Variants in CSDE1 observed in about 807,000 individuals in gnomAD.
CSDE1 encodes cold shock domain containing E1, also known as cold shock domain-containing protein E1.
In CSDE1, 17 loss-of-function variants were observed where a neutral mutation model predicts 89.3. The ratio of observed to expected loss-of-function variants is 0.19; its 90% CI spans 0.13 to 0.29. The LOEUF (loss-of-function observed/expected upper bound fraction) is 0.29. CSDE1 is among the 10% of genes least tolerant of loss of function. CSDE1 has a pLI of 1.00. For synonymous variants in CSDE1, 322 were observed against 332.8 expected, an observed-to-expected ratio of 0.97 and a Z score of 0.35; for missense variants, 672 against 984.2, an observed-to-expected ratio of 0.68 and a Z score of 4.24.
At chr1:114,757,639 A>G (rs1570971798) in intron 1 of CSDE1, among the ~76,000 whole-genome samples, 1 of 151,308 alleles carries the variant, frequency 6.6e-6, no homozygotes. Context: ...CGGAGCCTCC[A>G]TTTTCGCTCC....
chr1:114,731,540 A>C (rs1336643075), intron 10 of CSDE1, among the ~76,000 whole-genome samples: 1 of 152,234 alleles, frequency 6.6e-6, no homozygotes, highest in African/African-American at 2.4e-5. Context: ...TCCACTGGCA[A>C]CACTGAGTTA....
intron 15 of CSDE1, among the ~76,000 whole-genome samples, chr1:114,724,949 A>G (rs1019394638): frequency 2.0e-5 from 3 of 152,224 alleles, no homozygotes; most frequent in African/African-American, 4.8e-5. Flanking sequence ...ATTTCCTAAA[A>G]TATCTAGGCC....
chr1:114,726,442 A>C, intron 13 of CSDE1, 56 bp from the exon 14 acceptor site: 2 of 1,414,562 alleles, frequency 1.4e-6, no homozygotes, highest in Non-Finnish European at 1.9e-6. Flanking sequence ...CAATCTCCTT[A>C]ACTCAGAAAA....
intron 1 of CSDE1, among the ~76,000 whole-genome samples, chr1:114,754,930 C>A (rs1661510542): frequency 6.6e-6 from 1 of 152,182 alleles, no homozygotes; most frequent in Non-Finnish European, 1.5e-5. Flanking sequence ...AAGAAACATT[C>A]TAGACACATC....
At chr1:114,735,827 A>C (rs1339527245) in intron 6 of CSDE1, among the ~76,000 whole-genome samples, 1 of 152,086 alleles carries the variant, frequency 6.6e-6, no homozygotes, top group Non-Finnish European at 1.5e-5. Flanking sequence ...ATTTTCCTTA[A>C]CTGTGTATGC....
intron 6 of CSDE1, among the ~76,000 whole-genome samples, chr1:114,736,307 C>T (rs1660398561): frequency 6.6e-6 from 1 of 152,188 alleles, no homozygotes; most frequent in Non-Finnish European, 1.5e-5. Context: ...AAGATCTAAA[C>T]CAATCACACT....
In CSDE1 at chr1:114,737,512, C is replaced by T; in HGVS notation, c.361G>A (p.Gly121Ser). The change falls in exon 5 of 20, where the codon GGT becomes AGT. Residue 121 changes from glycine (G) to serine (S), a missense_variant. This residue lies in a region of CSDE1 where 124 missense variants were observed against 138.7 expected (regional missense o/e 0.89). Transcript: ENST00000358528. ...NLESKSPAAP[G>S]QSPTGSVCYE... ...CATACACTCCCTGTTGGACTCTGAC[C>T]CGGGGCAGCTGGAGATTTACTCTCT... 1 of 1,614,026 alleles carries T rather than the reference C, an allele frequency of 6.2e-7. No individual in the cohort carries two copies. Among genetic ancestry groups the T allele is most frequent in the Non-Finnish European group, 8.5e-7 (1 of 1,180,002 alleles).
intron 4 of CSDE1, 138 bp from the exon 5 acceptor site, chr1:114,737,701 G>T: frequency 1.4e-6 from 1 of 729,230 alleles, no homozygotes; most frequent in Non-Finnish European, 2.3e-6. Flanking sequence ...ATGTCATGCT[G>T]CCAAGTTTCA....
chr1:114,724,287 C>T (rs554319878), intron 15 of CSDE1: 17 of 241,644 alleles, frequency 7.0e-5, no homozygotes, highest in Non-Finnish European at 1.6e-5. Context: ...TGATCTCTTA[C>T]TTTTTCCAGG....
chr1:114,756,204 G>A (rs1228945416), intron 1 of CSDE1, among the ~76,000 whole-genome samples: 8 of 152,146 alleles, frequency 5.3e-5, no homozygotes, highest in Admixed American at 1.3e-4. Flanking sequence ...CCTATCTTCT[G>A]TGCCTCAAAT....
Position 114,756,086 on chromosome 1 carries a change from T to C in CSDE1, c.-388+1839A>G, listed in dbSNP as rs570473234. 2.6e-5 allele frequency among the ~76,000 whole-genome samples: 4 copies of C among 152,344 alleles called. No individual in the cohort carries two copies. In the South Asian group the frequency reaches 8.3e-4, roughly 32 times the overall value. On this transcript the variant is annotated intron_variant, in intron 1 of 19. Transcript: ENST00000358528. ...ATAAGGGTAGAGGGTAAAGCCAGAC[T>C]GCACGTCAGCTTTCACGCTTTCAAT...
chr1:114,738,094 T>C (rs2101052265), intron 3 of CSDE1, 22 bp from the exon 4 acceptor site: 3 of 1,581,372 alleles, frequency 1.9e-6, no homozygotes, highest in South Asian at 1.1e-5. Flanking sequence ...TAATGTGTTA[T>C]GTTTGTTGAA....
intron 6 of CSDE1, among the ~76,000 whole-genome samples, chr1:114,734,724 C>T (rs975760871): frequency 6.6e-6 from 1 of 152,162 alleles, no homozygotes. Context: ...TAGCCTTCTA[C>T]GTTTGGCAAA....
At chr1:114,736,334 C>T (rs1173731184) in intron 6 of CSDE1, among the ~76,000 whole-genome samples, 2 of 152,150 alleles carry the variant, frequency 1.3e-5, no homozygotes, top group Non-Finnish European at 2.9e-5. Flanking sequence ...TTTTAAACAA[C>T]GCAGATTCCT....
At chr1:114,734,256 A>G (rs528300263) in intron 7 of CSDE1, 139 bp from the exon 8 acceptor site, 16 of 1,175,104 alleles carry the variant, frequency 1.4e-5, no homozygotes, top group East Asian at 1.0e-4. Flanking sequence ...TATCAATTAA[A>G]CAGCCAATTT....
At chr1:114,732,113 A>G (rs1570916011) in intron 10 of CSDE1, among the ~76,000 whole-genome samples, 1 of 149,882 alleles carries the variant, frequency 6.7e-6, no homozygotes, top group South Asian at 2.1e-4. Context: ...CGTGCCTATG[A>G]TTTTTTTTTT....
intron 2 of CSDE1, chr1:114,741,441 A>G (rs1558003583): frequency 2.1e-5 from 26 of 1,266,800 alleles, no homozygotes; most frequent in South Asian, 6.2e-5. Flanking sequence ...AGTCGGCAAG[A>G]TATTTCAACC....
At chr1:114,736,986 A>C (rs769212420) in intron 5 of CSDE1, 131 bp from the exon 6 acceptor site, 14 of 635,146 alleles carry the variant, frequency 2.2e-5, no homozygotes, top group Non-Finnish European at 3.3e-5. Context: ...GCTTTATGAC[A>C]AGTCACTTTA....
intron 17 of CSDE1, among the ~76,000 whole-genome samples, chr1:114,720,028 C>T (rs887615046): frequency 1.3e-5 from 2 of 152,162 alleles, no homozygotes; most frequent in African/African-American, 4.8e-5. Context: ...GTTACTTCAA[C>T]ATATATATTG....
Sources: allele counts gnomAD v4.1 joint callset (sites outside exome capture counted in the v4.1 genomes callset), GRCh38; gene constraint gnomAD v4.1.1; regional missense constraint gnomAD v4.1.1; transcripts MANE v1.5; gene names NCBI Gene and HGNC (gene_info 2026-07-23, HGNC 2026-07-21).